The following PRKAR1B variants were observed in gnomAD, a reference collection of about 807,000 sequenced individuals.
PRKAR1B encodes the protein cAMP-dependent protein kinase type I-beta regulatory subunit.
PRKAR1B carries 22 observed loss-of-function variants against 46.5 expected under a neutral mutation model. The observed-to-expected ratio is 0.47, with a 90% CI of 0.34 to 0.68. The LOEUF (loss-of-function observed/expected upper bound fraction) is 0.68, where lower values mean the gene tolerates loss of function less well. Among genes scored for constraint, PRKAR1B ranks in the 30% least tolerant of loss-of-function variants. The probability of loss-of-function intolerance (pLI) is 0.01; values close to 1 mark genes in which losing one functional copy is unlikely to be tolerated. For synonymous variants in PRKAR1B, 259 were observed against 217.7 expected, an observed-to-expected ratio of 1.19 and a Z score of -1.67; for missense variants, 445 against 535.6, an observed-to-expected ratio of 0.83 and a Z score of 1.67.
intron 7 of PRKAR1B, among the ~76,000 whole-genome samples, chr7:587,669 G>C (rs938312877): frequency 6.6e-6 from 1 of 152,246 alleles, no homozygotes; most frequent in Admixed American, 6.5e-5. Flanking sequence ...GTGGGAAAGA[G>C]CAGCCCTGGG....
chr7:726,817 C>A (rs1489329904), intron 1 of PRKAR1B: 1 of 1,323,188 alleles, frequency 7.6e-7, no homozygotes, highest in Non-Finnish European at 9.6e-7. Context: ...CGCCCTGAGC[C>A]GCCTGCTGCC....
At chr7:676,646 A>G (rs184450169) in intron 4 of PRKAR1B, among the ~76,000 whole-genome samples, 1 of 152,342 alleles carries the variant, frequency 6.6e-6, no homozygotes, top group Non-Finnish European at 1.5e-5. Context: ...CACGCAGCAT[A>G]GTATTTCGGG....
intron 2 of PRKAR1B, chr7:691,404 G>A (rs1298594195): frequency 2.1e-6 from 2 of 968,870 alleles, no homozygotes; most frequent in Non-Finnish European, 2.9e-6. Context: ...TCCCCTGCCT[G>A]GTCAGGAGGG....
At chr7:694,691 C>T (rs968152454) in intron 2 of PRKAR1B, among the ~76,000 whole-genome samples, 6 of 152,098 alleles carry the variant, frequency 3.9e-5, no homozygotes, top group Non-Finnish European at 7.4e-5. Flanking sequence ...ATGTCTTGCA[C>T]GAGTTCGTTA....
At chr7:552,737 C>A (rs1281317255) in intron 9 of PRKAR1B, among the ~76,000 whole-genome samples, 5 of 152,206 alleles carry the variant, frequency 3.3e-5, no homozygotes, top group Admixed American at 2.0e-4. Flanking sequence ...CTGGGACCTT[C>A]CCTGGGGGTC....
intron 2 of PRKAR1B, among the ~76,000 whole-genome samples, chr7:698,450 G>A (rs762365030): frequency 3.9e-5 from 6 of 152,002 alleles, no homozygotes; most frequent in South Asian, 2.1e-4. Flanking sequence ...AGGTAAGTAC[G>A]TGTGCGTGTG....
In PRKAR1B at chr7:702,557, C is replaced by T. The variant is rs1392691487; in HGVS notation, c.177+8772G>A. Among the ~76,000 whole-genome samples, 6 of 152,306 alleles carry T rather than the reference C, an allele frequency of 3.9e-5. No individual in the cohort carries two copies. The South Asian group carries it at 8.3e-4, about 21-fold the overall frequency. On this transcript the variant is annotated intron_variant, in intron 2 of 10. Coordinates refer to ENST00000537384, the MANE Select transcript of PRKAR1B (RefSeq NM_001164760.2). ...GATGCATCATAGGCTGGGCGTGGGG[C>T]TCACACCTGTAATCTCAGCACTTTG...
chr7:672,629 G>T (rs1786325598), intron 4 of PRKAR1B, among the ~76,000 whole-genome samples: 3 of 151,950 alleles, frequency 2.0e-5, no homozygotes, highest in Non-Finnish European at 4.4e-5. Context: ...GCACTTTGGG[G>T]GGCTGAGGCA....
intron 9 of PRKAR1B, among the ~76,000 whole-genome samples, chr7:557,425 G>A (rs898931310): frequency 5.6e-4 from 85 of 152,198 alleles, no homozygotes; most frequent in Non-Finnish European, 9.3e-4. Flanking sequence ...ACAGCAGCTC[G>A]GCCTCTCTCC....
At chr7:718,008 C>G (rs7794350) in intron 1 of PRKAR1B, among the ~76,000 whole-genome samples, 31,972 of 151,956 alleles carry the variant, frequency 0.21, 3,842 homozygotes, top group East Asian at 0.4. Context: ...GCCAGCTGCC[C>G]TTTCATCAGT....
intron 4 of PRKAR1B, among the ~76,000 whole-genome samples, chr7:631,261 G>A (rs1783720244): frequency 6.6e-6 from 1 of 152,208 alleles, no homozygotes; most frequent in Admixed American, 6.5e-5. Flanking sequence ...GATTCAAACT[G>A]GTTTTCAAGA....
chr7:563,835 G>A (rs190136194), intron 9 of PRKAR1B, among the ~76,000 whole-genome samples: 31 of 152,004 alleles, frequency 2.0e-4, no homozygotes, highest in East Asian at 1.9e-3. Context: ...ATGTGCACAC[G>A]GATCAGTGTG....
At chr7:553,374 C>T (rs908913689) in intron 9 of PRKAR1B, among the ~76,000 whole-genome samples, 9 of 152,252 alleles carry the variant, frequency 5.9e-5, no homozygotes, top group African/African-American at 1.4e-4. Flanking sequence ...CTCTGCACCA[C>T]GCTCCGACCG....
chr7:562,803 G>GC (rs1220564399), intron 9 of PRKAR1B, among the ~76,000 whole-genome samples: 1 of 152,080 alleles, frequency 6.6e-6, no homozygotes, highest in Non-Finnish European at 1.5e-5. Context: ...TGGGGTCCAT[G>GC]CCCCCCAACC....
At chr7:564,761 A>AGG (rs1779031091) in intron 9 of PRKAR1B, among the ~76,000 whole-genome samples, 1 of 152,224 alleles carries the variant, frequency 6.6e-6, no homozygotes, top group African/African-American at 2.4e-5. Flanking sequence ...CAACAGGCCC[A>AGG]GGGCCCAGGG....
intron 4 of PRKAR1B, among the ~76,000 whole-genome samples, chr7:611,769 A>AATGG (rs66758527): frequency 0.019 from 2,799 of 150,052 alleles, 69 homozygotes; most frequent in African/African-American, 0.063. Context: ...TAGACGAATG[A>AATGG]ATGGATGGAT....
intron 9 of PRKAR1B, among the ~76,000 whole-genome samples, chr7:551,847 A>C: frequency 9.6e-6 from 1 of 104,232 alleles, no homozygotes; most frequent in African/African-American, 3.8e-5. Flanking sequence ...TCCCAGAGCC[A>C]CTGCCACCAC....
At chr7:581,941 G>A (rs1780209863) in intron 8 of PRKAR1B, among the ~76,000 whole-genome samples, 1 of 152,122 alleles carries the variant, frequency 6.6e-6, no homozygotes. Flanking sequence ...CTGGTCTGGA[G>A]TTCATGGCCT....
intron 9 of PRKAR1B, among the ~76,000 whole-genome samples, chr7:568,195 C>T (rs940373797): frequency 6.6e-6 from 1 of 152,282 alleles, no homozygotes; most frequent in Non-Finnish European, 1.5e-5. Flanking sequence ...CCCCCCGTGC[C>T]GCTAAGCACC....
Sources: allele counts gnomAD v4.1 joint callset (sites outside exome capture counted in the v4.1 genomes callset), GRCh38; gene constraint gnomAD v4.1.1; transcripts MANE v1.5; gene names NCBI Gene and HGNC (gene_info 2026-07-23, HGNC 2026-07-21).